CACNA1E: variants seen among roughly 807,000 people sequenced by gnomAD.
CACNA1E encodes calcium voltage-gated channel subunit alpha1 E.
In CACNA1E, 40 loss-of-function variants were observed where a neutral mutation model predicts 259.2. The observed-to-expected ratio is 0.15, with a 90% CI of 0.12 to 0.20. CACNA1E has a LOEUF of 0.20. Among genes scored for constraint, CACNA1E ranks in the 10% least tolerant of loss-of-function variants. The probability of loss-of-function intolerance (pLI) is 1.00; values close to 1 mark genes in which losing one functional copy is unlikely to be tolerated. For synonymous variants in CACNA1E, 1,104 were observed against 1,138.5 expected, an observed-to-expected ratio of 0.97 and a Z score of 0.61; for missense variants, 1,874 against 3,040.1, an observed-to-expected ratio of 0.62 and a Z score of 9.02.
At chr1:181,434,394 ATT>A (rs34732298) in intron 2 of CACNA1E, among the ~76,000 whole-genome samples, 5,304 of 149,074 alleles carry the variant, frequency 0.036, 288 homozygotes, top group African/African-American at 0.12. Context: ...CTACTGGCCA[ATT>A]TTTTTTTTTT....
intron 3 of CACNA1E, among the ~76,000 whole-genome samples, chr1:181,556,083 C>T (rs1005364794): frequency 3.3e-5 from 5 of 152,158 alleles, no homozygotes; most frequent in Non-Finnish European, 7.3e-5. Flanking sequence ...GTGGTGGTTA[C>T]CATGTGTCCT....
rs192082107 is a variant in CACNA1E, at chr1:181,699,701, C to A, written c.1056-11253C>A. On this transcript the variant is annotated intron_variant, in intron 7 of 47. Transcript: ENST00000367573. ...CAACTGAAGGCAAGAAGCATCCAGG[C>A]AGGAGACAGCAGTAGCCTGGACTAG... 6.0e-4 allele frequency among the ~76,000 whole-genome samples: 91 copies of A among 152,208 alleles called. No individual in the cohort carries two copies. The Middle Eastern group carries it at 0.024, about 40-fold the overall frequency.
intron 37 of CACNA1E, among the ~76,000 whole-genome samples, chr1:181,775,874 C>A (rs985805609): frequency 2.6e-5 from 4 of 152,198 alleles, no homozygotes; most frequent in Admixed American, 1.3e-4. Flanking sequence ...GTTCACCGAT[C>A]CTGGTCTACA....
chr1:181,414,495 C>G (rs1014211313), intron 2 of CACNA1E, among the ~76,000 whole-genome samples: 1 of 152,198 alleles, frequency 6.6e-6, no homozygotes, highest in Non-Finnish European at 1.5e-5. Context: ...TTCGCTCATT[C>G]ATTCATTCAG....
intron 1 of CACNA1E, among the ~76,000 whole-genome samples, chr1:181,348,190 G>C (rs986382583): frequency 6.6e-6 from 1 of 152,022 alleles, no homozygotes; most frequent in Admixed American, 6.5e-5. Context: ...ATGGGGTCTC[G>C]GTGGACAGAT....
At chr1:181,594,778 C>A (rs1652993097) in intron 6 of CACNA1E, among the ~76,000 whole-genome samples, 1 of 152,172 alleles carries the variant, frequency 6.6e-6, no homozygotes, top group East Asian at 1.9e-4. Context: ...GACTCATTTT[C>A]AACTTCTATT....
chr1:181,448,882 G>A (rs1660967296), intron 2 of CACNA1E, among the ~76,000 whole-genome samples: 1 of 152,242 alleles, frequency 6.6e-6, no homozygotes, highest in South Asian at 2.1e-4. Flanking sequence ...CAGAGAGGCT[G>A]CCTGGGACTC....
chr1:181,467,608 T>G (rs1662232309), intron 2 of CACNA1E, among the ~76,000 whole-genome samples: 1 of 152,170 alleles, frequency 6.6e-6, no homozygotes, highest in South Asian at 2.1e-4. Context: ...TGGAGCCCTG[T>G]GCAGGCCTAT....
intron 1 of CACNA1E, among the ~76,000 whole-genome samples, chr1:181,403,417 T>C (rs769656150): frequency 1.8e-4 from 27 of 151,910 alleles, no homozygotes; most frequent in Non-Finnish European, 3.7e-4. Flanking sequence ...ATAACCCAAT[T>C]GCACTGTTCA....
rs12069599 is a variant in CACNA1E, at chr1:181,431,460, G to A, written c.434+17880G>A. ...GTGATGGATGCCAGAGATTGGCTGGGTGGCTTGATCTGGGTTGCAGACAGT... is the reference window on the plus strand; with the variant it reads ...GTGATGGATGCCAGAGATTGGCTGGATGGCTTGATCTGGGTTGCAGACAGT... On this transcript the variant is annotated intron_variant, in intron 2 of 11. Coordinates refer to the CACNA1E transcript ENST00000524607. Among the ~76,000 whole-genome samples the A allele has an allele frequency of 9.2e-3, 1,407 of 152,310 alleles. 18 individuals are homozygous for A. The highest frequency in any genetic ancestry group is 0.032 in the African/African-American group (1,341 of 41,562).
intron 1 of CACNA1E, among the ~76,000 whole-genome samples, chr1:181,491,611 T>G (rs1664324736): frequency 6.6e-6 from 1 of 152,234 alleles, no homozygotes; most frequent in South Asian, 2.1e-4. Context: ...TAACAAAAGC[T>G]TATGCTTTGG....
intron 2 of CACNA1E, among the ~76,000 whole-genome samples, chr1:181,421,406 C>T (rs937967256): frequency 6.6e-6 from 1 of 152,162 alleles, no homozygotes; most frequent in African/African-American, 2.4e-5. Flanking sequence ...TATTCTGGGC[C>T]TCTTCTCTGC....
chr1:181,478,340 G>T (rs1487122019), intron 2 of CACNA1E, among the ~76,000 whole-genome samples: 2 of 152,220 alleles, frequency 1.3e-5, no homozygotes, highest in African/African-American at 4.8e-5. Context: ...TCTAGGGACG[G>T]ACATTACATA....
At chr1:181,624,006 G>A (rs948616495) in intron 6 of CACNA1E, among the ~76,000 whole-genome samples, 2 of 152,190 alleles carry the variant, frequency 1.3e-5, no homozygotes, top group Non-Finnish European at 2.9e-5. Context: ...CATGGCATTG[G>A]CGTCTGCCTC....
chr1:181,751,889 G>T (rs776839073), intron 26 of CACNA1E: 4 of 625,950 alleles, frequency 6.4e-6, no homozygotes, highest in Non-Finnish European at 1.2e-5. Flanking sequence ...TCCTCTGTGT[G>T]TGTATATATG....
intron 1 of CACNA1E, among the ~76,000 whole-genome samples, chr1:181,329,777 T>C (rs1218031670): frequency 6.6e-6 from 1 of 152,246 alleles, no homozygotes; most frequent in Non-Finnish European, 1.5e-5. Flanking sequence ...TCCCAGTTCA[T>C]GTATGTATAC....
At chr1:181,388,155 C>T (rs572357670) in intron 1 of CACNA1E, among the ~76,000 whole-genome samples, 1 of 152,320 alleles carries the variant, frequency 6.6e-6, no homozygotes, top group African/African-American at 2.4e-5. Flanking sequence ...CAGAGCACGG[C>T]CATCGCTGGA....
intron 6 of CACNA1E, among the ~76,000 whole-genome samples, chr1:181,589,440 G>A (rs1652410299): frequency 6.6e-6 from 1 of 152,188 alleles, no homozygotes; most frequent in Non-Finnish European, 1.5e-5. Context: ...GGGGCAATAA[G>A]TCAGGTGCAT....
chr1:181,782,367 T>C (rs1660498808), intron 39 of CACNA1E, among the ~76,000 whole-genome samples: 1 of 152,228 alleles, frequency 6.6e-6, no homozygotes, highest in South Asian at 2.1e-4. Flanking sequence ...CATGAGTTGT[T>C]TTGCCACCCA....
Sources: gnomAD v4.1 joint callset for allele counts (sites outside exome capture counted in the v4.1 genomes callset) on GRCh38, gnomAD v4.1.1 for gene constraint, MANE v1.5 for transcripts, NCBI Gene and HGNC (gene_info 2026-07-23, HGNC 2026-07-21) for gene names.